DLC1: variants seen among roughly 807,000 people sequenced by gnomAD.
The protein encoded by DLC1 is rho GTPase-activating protein 7.
A neutral mutation model predicts 140.3 loss-of-function variants in DLC1; 54 were observed. The observed-to-expected ratio is 0.38, with a 90% CI of 0.31 to 0.48. The LOEUF (loss-of-function observed/expected upper bound fraction) is 0.48. DLC1 is among the 20% of genes least tolerant of loss of function. The probability of loss-of-function intolerance (pLI) is 0.96; values close to 1 mark genes in which losing one functional copy is unlikely to be tolerated. For synonymous variants in DLC1, 986 were observed against 728.1 expected (o/e 1.35, Z -5.70); for missense variants, 2,536 against 1,907.0 (o/e 1.33, Z -6.14).
chr8:13,551,881 T>TAG (rs1563435807), intron 1 of DLC1, among the ~76,000 whole-genome samples: 1 of 123,808 alleles, frequency 8.1e-6, no homozygotes, highest in Admixed American at 9.7e-5. Flanking sequence ...TATATATATA[T>TAG]AGACAGGTAT....
At chr8:13,286,111 T>G (rs964815476) in intron 5 of DLC1, among the ~76,000 whole-genome samples, 3 of 152,328 alleles carry the variant, frequency 2.0e-5, no homozygotes, top group African/African-American at 7.2e-5. Context: ...AATGGATTTA[T>G]GAATAAGATT....
chr8:13,394,989 C>G (rs1173033921), intron 3 of DLC1, among the ~76,000 whole-genome samples: 1 of 105,784 alleles, frequency 9.5e-6, no homozygotes, highest in Non-Finnish European at 2.3e-5. Context: ...TCTTTGCTTG[C>G]TAATCTACTA....
intron 5 of DLC1, among the ~76,000 whole-genome samples, chr8:13,217,851 C>CA: frequency 9.4e-6 from 1 of 106,064 alleles, no homozygotes; most frequent in African/African-American, 4.7e-5. Flanking sequence ...AAAAAAACAA[C>CA]AACAAAAAAA....
intron 5 of DLC1, among the ~76,000 whole-genome samples, chr8:13,117,598 C>T (rs1820666000): frequency 6.6e-6 from 1 of 152,222 alleles, no homozygotes; most frequent in South Asian, 2.1e-4. Context: ...AAACTCATTT[C>T]ATTTGGCTAC....
chr8:13,339,976 C>G (rs1353313865), intron 4 of DLC1: 2 of 152,084 alleles, frequency 1.3e-5, no homozygotes, highest in Admixed American at 1.3e-4. Context: ...GGCAAATAAG[C>G]AACTGACTGA....
In DLC1 at chr8:13,565,600, T is replaced by C. The variant is rs149173569; in HGVS notation, c.-126+38937A>G. On this transcript the variant is annotated intron_variant, in intron 1 of 1. Coordinates refer to the DLC1 transcript ENST00000631382. ...GCTCATATACTTGAGAGATGCTTTT[T>C]GAATATTTGACTTTCACTTTTTGCC... 8.5e-3 allele frequency among the ~76,000 whole-genome samples: 1,292 copies of C among 152,300 alleles called. 19 individuals carry two copies. Among genetic ancestry groups the C allele is most frequent in the African/African-American group, 0.029 (1,211 of 41,568 alleles).
intron 5 of DLC1, among the ~76,000 whole-genome samples, chr8:13,301,735 G>A (rs73562507): frequency 0.076 from 11,634 of 152,168 alleles, 501 homozygotes; most frequent in South Asian, 0.098. Flanking sequence ...GGAGATGGGC[G>A]GTGGGCAAGC....
At chr8:13,178,873 G>A (rs529299318) in intron 5 of DLC1, among the ~76,000 whole-genome samples, 2 of 152,060 alleles carry the variant, frequency 1.3e-5, no homozygotes, top group Non-Finnish European at 2.9e-5. Flanking sequence ...AAATTACTTG[G>A]AAGTATCAAC....
intron 5 of DLC1, among the ~76,000 whole-genome samples, chr8:13,177,465 A>G (rs1057209117): frequency 6.6e-6 from 1 of 152,206 alleles, no homozygotes; most frequent in Non-Finnish European, 1.5e-5. Context: ...CAGCAAACTG[A>G]GTGTATTGTT....
In DLC1 at chr8:13,499,226, A is replaced by G. The variant is rs766623707; in HGVS notation, c.846T>C (p.Pro282=). ...TDFGSCLLQP[P]SCPNGMSAEN... ...CAGCTGACATTCCATTGGGGCAGGAAGGAGGCTGCAGAAGGCAGCTTCCAA... is the reference window on the plus strand; with the variant it reads ...CAGCTGACATTCCATTGGGGCAGGAGGGAGGCTGCAGAAGGCAGCTTCCAA... Residue 282 remains proline, a synonymous_variant, in exon 2 of 18, where the codon CCT becomes CCC. Transcript: ENST00000276297. The G allele has an allele frequency of 6.2e-7, 1 of 1,614,196 alleles. No homozygotes were observed. Among genetic ancestry groups the G allele is most frequent in the Admixed American group, 1.7e-5 (1 of 60,030 alleles).
chr8:13,269,945 T>A (rs553154202), intron 5 of DLC1, among the ~76,000 whole-genome samples: 1 of 150,196 alleles, frequency 6.7e-6, no homozygotes, highest in South Asian at 2.1e-4. Context: ...CGGGCGCCTG[T>A]AGTCCCAGCT....
At chr8:13,309,669 A>G (rs1563242995) in intron 4 of DLC1, among the ~76,000 whole-genome samples, 1 of 152,202 alleles carries the variant, frequency 6.6e-6, no homozygotes, top group Non-Finnish European at 1.5e-5. Context: ...TGTTCTAAAC[A>G]TATGTTGATT....
chr8:13,177,301 C>G (rs1825806878), intron 5 of DLC1, among the ~76,000 whole-genome samples: 1 of 152,050 alleles, frequency 6.6e-6, no homozygotes, highest in South Asian at 2.1e-4. Flanking sequence ...TAAAAAGTGT[C>G]AATTTTTATA....
intron 1 of DLC1, among the ~76,000 whole-genome samples, chr8:13,587,101 C>CAA (rs1805348065): frequency 6.6e-6 from 1 of 151,210 alleles, no homozygotes; most frequent in Non-Finnish European, 1.5e-5. Flanking sequence ...CACACACACA[C>CAA]ACACATTCAT....
rs529948676 is a variant in DLC1, at chr8:13,192,555, C to A, written c.1349-76898G>T. Among the ~76,000 whole-genome samples the A allele has an allele frequency of 2.0e-5, 3 of 152,282 alleles. No individual in the cohort carries two copies. The South Asian group carries it at 6.2e-4, about 32-fold the overall frequency. ...GCACTGCAAATCCTCACACTCACAGCAACCCATCTAAGTCAGGGTCTCTAG... is the reference window on the plus strand; with the variant it reads ...GCACTGCAAATCCTCACACTCACAGAAACCCATCTAAGTCAGGGTCTCTAG... On this transcript the variant is annotated intron_variant, in intron 5 of 17. Transcript: ENST00000276297.
intron 4 of DLC1, among the ~76,000 whole-genome samples, chr8:13,332,168 CT>C (rs1157009160): frequency 1.3e-5 from 2 of 152,116 alleles, no homozygotes; most frequent in East Asian, 3.8e-4. Context: ...CACAAAACAC[CT>C]TATTTCAACC....
chr8:13,136,175 G>C (rs1329365931), intron 5 of DLC1, among the ~76,000 whole-genome samples: 1 of 152,190 alleles, frequency 6.6e-6, no homozygotes, highest in Non-Finnish European at 1.5e-5. Flanking sequence ...TGATTAATAT[G>C]TTATTTGTTT....
rs951731928 is a variant in DLC1, at chr8:13,084,445, T to C, written c.*1366A>G. On this transcript the variant is annotated 3_prime_UTR_variant, in exon 18 of 18. Transcript: ENST00000276297. ...ATACACAATAAATTTACTAATACTG[T>C]CTCTTGAGTCAATCCTTACCATTAC... 2.0e-5 allele frequency: 3 copies of C among 152,538 alleles called. No individual in the cohort carries two copies. Among genetic ancestry groups the C allele is most frequent in the Non-Finnish European group, 2.9e-5 (2 of 68,026 alleles). 9.4% of individuals were successfully genotyped at this position (152,538 alleles called of 1,614,324 possible). A position where few individuals can be genotyped will look rare whatever the true frequency, so the allele number is the denominator to read the frequency against.
chr8:13,408,444 C>G (rs937027014), intron 2 of DLC1, among the ~76,000 whole-genome samples: 2 of 152,150 alleles, frequency 1.3e-5, no homozygotes, highest in Non-Finnish European at 2.9e-5. Flanking sequence ...TTTTTAAACT[C>G]CAACTAGGCT....
Sources: gnomAD v4.1 joint callset for allele counts (sites outside exome capture counted in the v4.1 genomes callset) on GRCh38, gnomAD v4.1.1 for gene constraint, MANE v1.5 for transcripts, NCBI Gene and HGNC (gene_info 2026-07-23, HGNC 2026-07-21) for gene names.